The following SORCS1 variants were observed in gnomAD, a reference collection of about 807,000 sequenced individuals.
The protein encoded by SORCS1 is sortilin related VPS10 domain containing receptor 1.
SORCS1 carries 60 observed loss-of-function variants against 146.1 expected under a neutral mutation model. The observed-to-expected ratio is 0.41, with a 90% CI of 0.33 to 0.51. The LOEUF (loss-of-function observed/expected upper bound fraction) is 0.51. Ranked by LOEUF, SORCS1 falls within the 20% of genes least tolerant of loss-of-function variation. SORCS1 has a pLI of 0.21. For synonymous variants in SORCS1, 637 were observed against 584.0 expected (o/e 1.09, Z -1.31); for missense variants, 1,352 against 1,487.6 (o/e 0.91, Z 1.50).
chr10:106,776,425 T>C, intron 4 of SORCS1, 109 bp downstream of exon 4: 1 of 1,412,064 alleles, frequency 7.1e-7, no homozygotes, highest in Admixed American at 1.9e-5. Context: ...GTCAGGCTAC[T>C]GCTCAGAACA....
chr10:106,861,412 AAAAAAG>A (rs1173842077), intron 2 of SORCS1, among the ~76,000 whole-genome samples: 3 of 151,942 alleles, frequency 2.0e-5, no homozygotes, highest in African/African-American at 7.3e-5. Context: ...AAAAAAAAAA[AAAAAAG>A]AATATGCGAA....
chr10:106,829,374 C>T (rs1398445315), intron 3 of SORCS1, among the ~76,000 whole-genome samples, 200 bp downstream of exon 3: 1 of 152,088 alleles, frequency 6.6e-6, no homozygotes, highest in Non-Finnish European at 1.5e-5. Flanking sequence ...TCTACCTATC[C>T]CTCACCCTCT....
rs151133246 is a variant in SORCS1, at chr10:107,152,950, C to A, written c.558+11019G>T. On this transcript the variant is annotated intron_variant, in intron 1 of 25. Transcript: ENST00000263054. ...CTTTGCCTGTGGTCTCTCCGTGTCTCTTTGTCTCTCATCTTTCCTTTTTCT... is the reference window on the plus strand; with the variant it reads ...CTTTGCCTGTGGTCTCTCCGTGTCTATTTGTCTCTCATCTTTCCTTTTTCT... Among the ~76,000 whole-genome samples the A allele has an allele frequency of 1.2e-3, 185 of 152,192 alleles. 3 individuals carry two copies. The East Asian group carries it at 0.031, about 26-fold the overall frequency.
intron 17 of SORCS1, among the ~76,000 whole-genome samples, chr10:106,662,037 G>T (rs1850768378): frequency 6.6e-6 from 1 of 152,210 alleles, no homozygotes; most frequent in Non-Finnish European, 1.5e-5. Flanking sequence ...ACAGCCACCT[G>T]GAGGGACATT....
intron 2 of SORCS1, among the ~76,000 whole-genome samples, chr10:106,909,048 A>G (rs932946881): frequency 6.6e-6 from 1 of 152,158 alleles, no homozygotes; most frequent in Non-Finnish European, 1.5e-5. Context: ...TGAGATGCAC[A>G]CCTCAGCTAA....
At chr10:107,125,371 T>C (rs563849285) in intron 1 of SORCS1, among the ~76,000 whole-genome samples, 2 of 152,356 alleles carry the variant, frequency 1.3e-5, no homozygotes, top group African/African-American at 4.8e-5. Context: ...TACTTCAACA[T>C]GAAAACTGCT....
intron 4 of SORCS1, among the ~76,000 whole-genome samples, chr10:106,768,850 A>G (rs1859772837): frequency 6.6e-6 from 1 of 152,206 alleles, no homozygotes; most frequent in Non-Finnish European, 1.5e-5. Flanking sequence ...GCTATGTGTC[A>G]GGCTCTGTGT....
rs202093466 is a variant in SORCS1 at position 106,709,211 on chromosome 10, G to C, written c.1143+12C>G. 1 of 1,596,834 alleles carries C rather than the reference G, an allele frequency of 6.3e-7. No homozygotes were observed. Among genetic ancestry groups the C allele is most frequent in the East Asian group, 2.2e-5 (1 of 44,736 alleles). On this transcript the variant is annotated intron_variant, in intron 7 of 25. Coordinates refer to ENST00000263054, the MANE Select transcript of SORCS1 (RefSeq NM_052918.5). ...GTTTCTGAGACAATCAACAGAAGTG[G>C]ATTTTTCCTACCTGAACAAACACAT...
chr10:106,875,477 T>C (rs569924134), intron 2 of SORCS1, among the ~76,000 whole-genome samples: 8 of 152,166 alleles, frequency 5.3e-5, no homozygotes, highest in Non-Finnish European at 1.2e-4. Flanking sequence ...GGGTAGATAC[T>C]CAGTAGTGGG....
chr10:107,144,164 G>GTTA (rs1968096151), intron 1 of SORCS1, among the ~76,000 whole-genome samples: 1 of 152,190 alleles, frequency 6.6e-6, no homozygotes, highest in South Asian at 2.1e-4. Context: ...AACATCATAT[G>GTTA]TGATATCTTC....
At chr10:107,091,203 T>C (rs577525360) in intron 1 of SORCS1, among the ~76,000 whole-genome samples, 30 of 152,240 alleles carry the variant, frequency 2.0e-4, no homozygotes, top group Non-Finnish European at 2.6e-4. Flanking sequence ...AATCCCTTCC[T>C]GCCTATGCAA....
At chr10:106,709,421 G>T in intron 6 of SORCS1, 80 bp from the exon 7 acceptor site, 12 of 704,986 alleles carry the variant, frequency 1.7e-5, no homozygotes, top group South Asian at 5.3e-5. Flanking sequence ...GTGGACGTTT[G>T]ATATTTCCCT....
chr10:107,152,690 T>G (rs923768918), intron 1 of SORCS1, among the ~76,000 whole-genome samples: 1 of 152,216 alleles, frequency 6.6e-6, no homozygotes, highest in African/African-American at 2.4e-5. Context: ...CCTTCTGCCA[T>G]GATTGTAAGT....
rs1859851827 is a variant in SORCS1 at position 106,769,612 on chromosome 10, C to CTGGTAGA, written c.885+6915_885+6921dup. The stretch of plus-strand genomic sequence containing the variant: ...ATGAAACTTTAAAAACATTGCAGGA[C>CTGGTAGA]TGGTAGAGAGAGAAAGAAGGCAGAG... On this transcript the variant is annotated intron_variant, in intron 4 of 25. Transcript: ENST00000263054. Among the ~76,000 whole-genome samples, 8 of 151,884 alleles carry CTGGTAGA rather than the reference C, an allele frequency of 5.3e-5. 1 individual carries two copies. Among genetic ancestry groups the CTGGTAGA allele is most frequent in the African/African-American group, 1.9e-4 (8 of 41,392 alleles).
intron 3 of SORCS1, among the ~76,000 whole-genome samples, chr10:106,782,904 C>T (rs988785302): frequency 6.6e-6 from 1 of 152,168 alleles, no homozygotes; most frequent in East Asian, 1.9e-4. Context: ...TAATCCTAAA[C>T]CTGGCTCTAG....
intron 2 of SORCS1, among the ~76,000 whole-genome samples, chr10:106,947,303 T>C (rs1221135481): frequency 6.6e-6 from 1 of 152,222 alleles, no homozygotes; most frequent in Non-Finnish European, 1.5e-5. Context: ...TTAAGAATTC[T>C]ATTGTACTTT....
chr10:107,096,338 T>C (rs1964542869), intron 1 of SORCS1, among the ~76,000 whole-genome samples: 2 of 152,198 alleles, frequency 1.3e-5, no homozygotes, highest in South Asian at 2.1e-4. Flanking sequence ...AGGTTTGAAA[T>C]CATGTTTTAC....
At chr10:107,073,584 A>G (rs570201123) in intron 1 of SORCS1, among the ~76,000 whole-genome samples, 1 of 152,292 alleles carries the variant, frequency 6.6e-6, no homozygotes, top group South Asian at 2.1e-4. Context: ...GCTCACAACA[A>G]TCTATAAGGC....
At chr10:106,860,279 C>A (rs1949960447) in intron 2 of SORCS1, among the ~76,000 whole-genome samples, 1 of 152,150 alleles carries the variant, frequency 6.6e-6, no homozygotes, top group South Asian at 2.1e-4. Context: ...AGCAACTTAT[C>A]TTTTTAGCTT....
Sources: gnomAD v4.1 joint callset for allele counts (sites outside exome capture counted in the v4.1 genomes callset) on GRCh38, gnomAD v4.1.1 for gene constraint, MANE v1.5 for transcripts, NCBI Gene and HGNC (gene_info 2026-07-23, HGNC 2026-07-21) for gene names.